RNF114: variants seen among roughly 807,000 people sequenced by gnomAD.
RNF114 encodes the protein E3 ubiquitin-protein ligase RNF114.
Under a neutral mutation model 28.4 loss-of-function variants are expected in RNF114, and 6 were observed. The ratio of observed to expected loss-of-function variants is 0.21; its 90% CI spans 0.12 to 0.42. The LOEUF is 0.42. RNF114 is among the 10% of genes least tolerant of loss of function. The pLI is 1.00. For missense variants in RNF114, 249 were observed against 311.7 expected, an observed-to-expected ratio of 0.80 and a Z score of 1.51; for synonymous variants, 115 against 116.7, an observed-to-expected ratio of 0.99 and a Z score of 0.09.
rs1292286358 is a variant in RNF114 at position 49,936,447 on chromosome 20, C to T, written c.35C>T (p.Ala12Val). 1 of 1,547,618 alleles carries T rather than the reference C, an allele frequency of 6.5e-7. No homozygotes were observed. The highest frequency in any genetic ancestry group is 2.5e-5 in the East Asian group (1 of 39,524). Residue 12 changes from alanine to valine, a missense_variant, in exon 1 of 6, where the codon GCG becomes GTG. Ala to Val is a moderately conservative substitution (Grantham distance 64). Transcript: ENST00000244061. The part of the protein sequence containing the change: ...AAQQRDCGGA[A>V]QLAGPAAEAD... ...CAACAGCGGGACTGCGGGGGTGCTG[C>T]GCAGCTGGCGGGGCCGGCGGCGGAG...
chr20:49,951,144 G>A (rs1359451762), intron 5 of RNF114, among the ~76,000 whole-genome samples: 1 of 151,924 alleles, frequency 6.6e-6, no homozygotes, highest in Admixed American at 6.6e-5. Context: ...AGTGGTATTC[G>A]GTCTTGATGG....
In RNF114 at chr20:49,936,502, C is replaced by T. The variant is rs1166541903; in HGVS notation, c.90C>T (p.Pro30=). Residue 30 remains proline, a synonymous_variant, in exon 1 of 6, where the codon CCC becomes CCT. Transcript: ENST00000244061. Reference sequence around the variant, plus strand: ...ACCCCCTAGGACGCTTCACGTGTCCCGTGTGCTTAGAGGTGTACGAGAAGC... The same window carrying T: ...ACCCCCTAGGACGCTTCACGTGTCCTGTGTGCTTAGAGGTGTACGAGAAGC... ...EADPLGRFTC[P]VCLEVYEKPV... 2 of 1,577,158 alleles carry T rather than the reference C, an allele frequency of 1.3e-6. No homozygotes were observed. The highest frequency in any genetic ancestry group is 8.6e-7 in the Non-Finnish European group (1 of 1,162,948).
At chr20:49,938,075 G>C (rs937485474) in intron 1 of RNF114, among the ~76,000 whole-genome samples, 1 of 152,194 alleles carries the variant, frequency 6.6e-6, no homozygotes, top group Non-Finnish European at 1.5e-5. Context: ...CTAATAAGTC[G>C]TGTAAGCAAG....
At position 49,952,141 on chromosome 20, in the gene RNF114, A is replaced by AT; in HGVS notation, c.687_*1insT. The AT allele has an allele frequency of 6.2e-7, 1 of 1,613,376 alleles. No individual in the cohort carries two copies. Among genetic ancestry groups the AT allele is most frequent in the South Asian group, 1.1e-5 (1 of 91,060 alleles). On this transcript the variant is annotated 3_prime_UTR_variant, in exon 6 of 6. Transcript: ENST00000244061. ...TGCAGCGCTCCATCATCGACCAGTG[A>AT]GCAGAGTCCGTGCTTGCTATCTGTC...
intron 2 of RNF114, chr20:49,943,847 C>CA (rs1555857460): frequency 7.9e-6 from 1 of 125,800 alleles, no homozygotes; most frequent in Admixed American, 9.2e-5. Flanking sequence ...CACACACACA[C>CA]ACACACACAC....
intron 5 of RNF114, among the ~76,000 whole-genome samples, 170 bp from the exon 6 acceptor site, chr20:49,951,906 A>C (rs2146861263): frequency 6.6e-6 from 1 of 152,332 alleles, no homozygotes; most frequent in African/African-American, 2.4e-5. Flanking sequence ...CAGCAGAGAC[A>C]GATTAATTTT....
chr20:49,950,714 CACA>C (rs1166637217), intron 5 of RNF114, among the ~76,000 whole-genome samples: 1 of 150,384 alleles, frequency 6.6e-6, no homozygotes, highest in Non-Finnish European at 1.5e-5. Flanking sequence ...AACACACACA[CACA>C]ACAACAATTT....
At chr20:49,936,661 C>A in intron 1 of RNF114, 109 bp downstream of exon 1, 1 of 1,384,950 alleles carries the variant, frequency 7.2e-7, no homozygotes, top group South Asian at 1.4e-5. Flanking sequence ...CCCAGAGGGG[C>A]CTCCCGGGGG....
At chr20:49,947,782 T>TG (rs2090339231) in intron 4 of RNF114, among the ~76,000 whole-genome samples, 1 of 35,132 alleles carries the variant, frequency 2.8e-5, no homozygotes, top group African/African-American at 8.5e-5. Context: ...TTTTTTTTTT[T>TG]TTTTTTTTTT....
intron 4 of RNF114, among the ~76,000 whole-genome samples, chr20:49,947,769 GTTTTTTTTTTTTTTTTTTTTTTTTTTT>G (rs71190519): frequency 1.6e-4 from 8 of 50,422 alleles, no homozygotes; most frequent in Non-Finnish European, 2.4e-4. Context: ...CCCTCTGCAA[GTTTTTTTTTTTTTTTTTTTTTTTTTTT>G]TTTTTTTTTT....
intron 1 of RNF114, 134 bp downstream of exon 1, chr20:49,936,686 C>T (rs2090288137): frequency 2.7e-6 from 3 of 1,126,892 alleles, no homozygotes; most frequent in Admixed American, 3.7e-5. Context: ...CCCCGGGGCT[C>T]CTAAGGGCCG....
intron 4 of RNF114, 33 bp downstream of exon 4, chr20:49,946,283 A>G (rs775164035): frequency 7.2e-6 from 8 of 1,110,408 alleles, no homozygotes; most frequent in Non-Finnish European, 1.1e-5. Context: ...TTTAAACTTC[A>G]TTAAGGGAAA....
chr20:49,944,792 A>G (rs2090322824), intron 2 of RNF114: 1 of 152,336 alleles, frequency 6.6e-6, no homozygotes, highest in Admixed American at 6.6e-5. Context: ...GAGGTGGGAG[A>G]ATCACTTGAA....
chr20:49,948,093 T>C (rs1265595149), intron 4 of RNF114, among the ~76,000 whole-genome samples: 1 of 152,048 alleles, frequency 6.6e-6, no homozygotes, highest in Non-Finnish European at 1.5e-5. Context: ...CCCGGCCCTC[T>C]GCAAGTTCTT....
chr20:49,942,845 A>G (rs2090313002), intron 2 of RNF114, among the ~76,000 whole-genome samples: 1 of 152,200 alleles, frequency 6.6e-6, no homozygotes, highest in Non-Finnish European at 1.5e-5. Context: ...AAGTGATTTA[A>G]TTTCGAAAGC....
chr20:49,949,413 C>T, intron 5 of RNF114, 58 bp downstream of exon 5: 1 of 1,424,214 alleles, frequency 7.0e-7, no homozygotes, highest in South Asian at 1.1e-5. Flanking sequence ...GGCTACTTCA[C>T]TCTTCTCAAA....
At chr20:49,945,546 G>GGACACC (rs11473738) in intron 3 of RNF114, 58 bp downstream of exon 3, 2 of 1,001,104 alleles carry the variant, frequency 2.0e-6, no homozygotes, top group African/African-American at 1.6e-5. Flanking sequence ...ATACAAAGAG[G>GGACACC]TTGCATGCCC....
intron 4 of RNF114, among the ~76,000 whole-genome samples, chr20:49,947,808 T>C (rs1289452742): frequency 8.3e-6 from 1 of 120,680 alleles, no homozygotes; most frequent in South Asian, 3.1e-4. Flanking sequence ...TTTTTTTTTT[T>C]TGAGGCGGAG....
intron 1 of RNF114, 122 bp from the exon 2 acceptor site, chr20:49,941,439 G>A (rs772392514): frequency 1.8e-6 from 2 of 1,084,810 alleles, no homozygotes; most frequent in Non-Finnish European, 2.6e-6. Flanking sequence ...TATTTGAACT[G>A]GGAGGAGAGA....
Sources: allele counts gnomAD v4.1 joint callset (sites outside exome capture counted in the v4.1 genomes callset), GRCh38; gene constraint gnomAD v4.1.1; transcripts MANE v1.5; gene names NCBI Gene and HGNC (gene_info 2026-07-23, HGNC 2026-07-21).